The following SEMA6D variants were observed in gnomAD, a reference collection of about 807,000 sequenced individuals.
SEMA6D encodes the protein semaphorin-6D.
In SEMA6D, 35 loss-of-function variants were observed where a neutral mutation model predicts 106.6. The ratio of observed to expected loss-of-function variants is 0.33; its 90% CI spans 0.25 to 0.44. The LOEUF (loss-of-function observed/expected upper bound fraction) is 0.44. Among genes scored for constraint, SEMA6D ranks in the 20% least tolerant of loss-of-function variants. SEMA6D has a pLI of 1.00. For missense variants in SEMA6D, 1,185 were observed against 1,345.9 expected (o/e 0.88, Z 1.87); for synonymous variants, 499 against 487.7 (o/e 1.02, Z -0.31).
intron 3 of SEMA6D, among the ~76,000 whole-genome samples, chr15:47,583,589 A>C (rs1260497682): frequency 6.6e-6 from 1 of 152,180 alleles, no homozygotes; most frequent in Non-Finnish European, 1.5e-5. Context: ...CCTCTTTTAA[A>C]AGTAGTCACT....
intron 1 of SEMA6D, among the ~76,000 whole-genome samples, chr15:47,195,709 C>T (rs1894294373): frequency 6.6e-6 from 1 of 152,174 alleles, no homozygotes; most frequent in African/African-American, 2.4e-5. Flanking sequence ...GGTTCCACTG[C>T]ATCTTGTGCT....
At chr15:47,315,483 T>C (rs1303819810) in intron 1 of SEMA6D, among the ~76,000 whole-genome samples, 2 of 152,236 alleles carry the variant, frequency 1.3e-5, no homozygotes, top group Non-Finnish European at 2.9e-5. Flanking sequence ...TACCACACTG[T>C]CTTCATGATT....
At chr15:47,761,891 T>A in intron 7 of SEMA6D, 140 bp downstream of exon 7, 1 of 766,952 alleles carries the variant, frequency 1.3e-6, no homozygotes, top group Non-Finnish European at 2.0e-6. Flanking sequence ...ATGCACAAAT[T>A]TCCAAAAAAA....
chr15:47,267,596 G>A (rs1249805983), intron 1 of SEMA6D, among the ~76,000 whole-genome samples: 1 of 151,784 alleles, frequency 6.6e-6, no homozygotes, highest in Non-Finnish European at 1.5e-5. Flanking sequence ...TCTATTTTTT[G>A]ACTTAACTTA....
chr15:47,361,909 G>A (rs2038824438), intron 1 of SEMA6D, among the ~76,000 whole-genome samples: 1 of 152,126 alleles, frequency 6.6e-6, no homozygotes, highest in East Asian at 1.9e-4. Flanking sequence ...AAACTGTACT[G>A]TGTAATTATC....
At chr15:47,322,276 G>GT (rs1223878949) in intron 1 of SEMA6D, among the ~76,000 whole-genome samples, 1 of 145,180 alleles carries the variant, frequency 6.9e-6, no homozygotes, top group East Asian at 2.2e-4. Flanking sequence ...GCGTTCACTA[G>GT]TTATTTTTTT....
At chr15:47,561,757 T>G (rs1227801419) in intron 3 of SEMA6D, among the ~76,000 whole-genome samples, 2 of 151,754 alleles carry the variant, frequency 1.3e-5, no homozygotes, top group Non-Finnish European at 2.9e-5. Flanking sequence ...TATGTAAGAT[T>G]TTATTAAACA....
chr15:47,535,530 A>G (rs1007580438), intron 3 of SEMA6D, among the ~76,000 whole-genome samples: 14 of 152,118 alleles, frequency 9.2e-5, no homozygotes, highest in Non-Finnish European at 7.4e-5. Context: ...TCTATTAGCA[A>G]TTCAACAAGT....
chr15:47,657,886 AC>A (rs983879508), intron 4 of SEMA6D, among the ~76,000 whole-genome samples: 2 of 149,790 alleles, frequency 1.3e-5, no homozygotes, highest in African/African-American at 4.9e-5. Flanking sequence ...GACTACAGGG[AC>A]CCCCCACCAC....
chr15:47,473,977 C>A (rs955771706), intron 3 of SEMA6D, among the ~76,000 whole-genome samples: 1 of 151,972 alleles, frequency 6.6e-6, no homozygotes, highest in Non-Finnish European at 1.5e-5. Flanking sequence ...TGTGCCTTTC[C>A]CAGCTGGCCA....
At chr15:47,553,596 A>G (rs1254425001) in intron 3 of SEMA6D, among the ~76,000 whole-genome samples, 1 of 152,202 alleles carries the variant, frequency 6.6e-6, no homozygotes, top group Non-Finnish European at 1.5e-5. Context: ...GGGGCTAAAA[A>G]GACTTTAAAA....
At chr15:47,286,006 G>T (rs780927454) in intron 1 of SEMA6D, among the ~76,000 whole-genome samples, 14 of 152,072 alleles carry the variant, frequency 9.2e-5, no homozygotes, top group Non-Finnish European at 1.3e-4. Context: ...ACCAAGCTAG[G>T]CTTATGCGCC....
At chr15:47,437,268 T>C (rs1460499605) in intron 2 of SEMA6D, among the ~76,000 whole-genome samples, 16 of 152,124 alleles carry the variant, frequency 1.1e-4, no homozygotes, top group African/African-American at 4.8e-5. Context: ...AGCCTTCTTA[T>C]AGGCTTGGAA....
chr15:47,227,944 TA>T (rs1254845698), intron 1 of SEMA6D, among the ~76,000 whole-genome samples: 1 of 143,624 alleles, frequency 7.0e-6, no homozygotes, highest in Non-Finnish European at 1.5e-5. Flanking sequence ...ATCTTATATA[TA>T]TTTTTATATG....
chr15:47,571,720 C>T (rs1435932091), intron 3 of SEMA6D, among the ~76,000 whole-genome samples: 1 of 152,142 alleles, frequency 6.6e-6, no homozygotes, highest in African/African-American at 2.4e-5. Flanking sequence ...ATGGGAACCA[C>T]AAATATTAAG....
intron 3 of SEMA6D, among the ~76,000 whole-genome samples, chr15:47,596,424 A>C (rs2076536986): frequency 6.6e-6 from 1 of 152,146 alleles, no homozygotes; most frequent in Non-Finnish European, 1.5e-5. Flanking sequence ...ACAGAAATAG[A>C]ATAAAATCTT....
intron 11 of SEMA6D, 108 bp downstream of exon 11, chr15:47,764,413 T>C: frequency 7.2e-7 from 1 of 1,381,890 alleles, no homozygotes; most frequent in South Asian, 1.4e-5. Flanking sequence ...CAGGAAGGGG[T>C]CCCTCTCTCA....
chr15:47,583,177 C>A lies in SEMA6D; in HGVS notation c.-86-17688C>A, dbSNP rs1405768337. Among the ~76,000 whole-genome samples the A allele has an allele frequency of 3.3e-5, 5 of 152,320 alleles. No individual in the cohort carries two copies. In the East Asian group the frequency reaches 7.7e-4, roughly 24 times the overall value. ...CCTAAGTCCACTTCAGCAGAGGCAG[C>A]TGTGACACCTGCTAAACACGTGAGT... is the stretch of plus-strand genomic sequence containing the variant. On this transcript the variant is annotated intron_variant, in intron 3 of 19. Transcript: ENST00000558014.
At chr15:47,390,417 C>T (rs964758712) in intron 1 of SEMA6D, among the ~76,000 whole-genome samples, 2 of 152,202 alleles carry the variant, frequency 1.3e-5, no homozygotes, top group African/African-American at 4.8e-5. Flanking sequence ...AAACAAGTCA[C>T]ATGGCCAGGT....
Sources: allele counts gnomAD v4.1 joint callset (sites outside exome capture counted in the v4.1 genomes callset), GRCh38; gene constraint gnomAD v4.1.1; transcripts MANE v1.5; gene names NCBI Gene and HGNC (gene_info 2026-07-23, HGNC 2026-07-21).